Variants in RARS1 observed in about 807,000 individuals in gnomAD.
RARS1 encodes arginine--tRNA ligase, cytoplasmic.
In RARS1, 75 loss-of-function variants were observed where a neutral mutation model predicts 78.7. The ratio of observed to expected loss-of-function variants is 0.95; its 90% CI spans 0.79 to 1.15. RARS1 has a LOEUF of 1.15. RARS1 is among the 50% of genes most tolerant of loss of function. The pLI, the probability that RARS1 is intolerant of heterozygous loss-of-function variation, is 0.00. For synonymous variants in RARS1, 273 were observed against 268.2 expected, an observed-to-expected ratio of 1.02 and a Z score of -0.18; for missense variants, 787 against 787.5, an observed-to-expected ratio of 1.00 and a Z score of 0.01.
intron 6 of RARS1, among the ~76,000 whole-genome samples, chr5:168,495,929 A>T (rs983376559): frequency 2.6e-5 from 4 of 152,172 alleles, no homozygotes; most frequent in Non-Finnish European, 4.4e-5. Context: ...TGGGAGGATC[A>T]CTAGAGGCCA....
At chr5:168,500,372 C>T (rs1162514971) in intron 7 of RARS1, among the ~76,000 whole-genome samples, 4 of 151,942 alleles carry the variant, frequency 2.6e-5, no homozygotes, top group Non-Finnish European at 5.9e-5. Context: ...GTAAAGAAAA[C>T]TGTGGTGAGA....
At chr5:168,506,244 G>T (rs771927709) in intron 10 of RARS1, 45 bp downstream of exon 10, 1 of 1,425,258 alleles carries the variant, frequency 7.0e-7, no homozygotes, top group South Asian at 1.4e-5. Context: ...CTGATTAGAG[G>T]TAAGACAGTA....
chr5:168,504,727 AG>A (rs1758401988), intron 9 of RARS1, among the ~76,000 whole-genome samples: 1 of 151,816 alleles, frequency 6.6e-6, no homozygotes, highest in Non-Finnish European at 1.5e-5. Flanking sequence ...CGGGAGGCTG[AG>A]GCAGGAGAAT....
At chr5:168,518,912 ATTGT>A (rs761821441) in intron 14 of RARS1, among the ~76,000 whole-genome samples, 165 bp from the exon 15 acceptor site, 15 of 152,356 alleles carry the variant, frequency 9.8e-5, no homozygotes, top group Admixed American at 3.3e-4. Context: ...TATTTTTTAA[ATTGT>A]TTGTCTTCAT....
At chr5:168,494,107 G>A in intron 4 of RARS1, 105 bp downstream of exon 4, 1 of 1,282,830 alleles carries the variant, frequency 7.8e-7, no homozygotes, top group Non-Finnish European at 1.1e-6. Flanking sequence ...TTTGTATACT[G>A]AACAAGATGG....
intron 13 of RARS1, 126 bp from the exon 14 acceptor site, chr5:168,517,689 G>A (rs183826325): frequency 2.7e-5 from 34 of 1,264,336 alleles, no homozygotes; most frequent in Middle Eastern, 2.6e-4. Flanking sequence ...ATAGTATATC[G>A]TATAATAAAA....
intron 9 of RARS1, among the ~76,000 whole-genome samples, chr5:168,505,376 T>A (rs969766250): frequency 6.6e-6 from 1 of 152,232 alleles, no homozygotes; most frequent in African/African-American, 2.4e-5. Context: ...ATGGATTTAA[T>A]TTTTCTTCCT....
intron 9 of RARS1, among the ~76,000 whole-genome samples, chr5:168,505,282 C>CT (rs889852774): frequency 1.8e-3 from 2 of 1,090 alleles, no homozygotes; most frequent in Non-Finnish European, 2.4e-3. Flanking sequence ...TAGTAGCACT[C>CT]TTAATAGCTG....
At position 168,497,319 on chromosome 5, in the gene RARS1, C is replaced by T. The variant is rs144891956; in HGVS notation, c.793C>T (p.Pro265Ser). ...KFPDYLTVSP[P>S]IGDLQVFYKE... ...TCCAGATTATCTAACAGTTTCACCT[C>T]CTATTGGGGATCTTCAGGTCTTTTA... is the stretch of plus-strand genomic sequence containing the variant. Residue 265 changes from proline (P) to serine (S), a missense_variant, in exon 7 of 15, where the codon CCT becomes TCT. Pro to Ser is a moderately conservative substitution (Grantham distance 74, BLOSUM62 -1). Coordinates refer to ENST00000231572, the MANE Select transcript of RARS1 (RefSeq NM_002887.4). The T allele has an allele frequency of 1.1e-4, 171 of 1,586,798 alleles. 1 individual carries two copies. In the East Asian group the frequency reaches 3.2e-3, roughly 30 times the overall value.
At chr5:168,495,171 A>C in intron 5 of RARS1, 144 bp from the exon 6 acceptor site, 2 of 1,365,732 alleles carry the variant, frequency 1.5e-6, no homozygotes, top group Non-Finnish European at 1.9e-6. Flanking sequence ...TTACGGCCCA[A>C]ATTAATGTTT....
At chr5:168,516,747 G>A in intron 12 of RARS1, 31 bp from the exon 13 acceptor site, 1 of 1,609,132 alleles carries the variant, frequency 6.2e-7, no homozygotes, top group East Asian at 2.2e-5. Context: ...CAGTCAGTAA[G>A]CTATGAAATA....
intron 7 of RARS1, among the ~76,000 whole-genome samples, chr5:168,497,560 C>T (rs1758223793): frequency 6.6e-6 from 1 of 151,932 alleles, no homozygotes; most frequent in Non-Finnish European, 1.5e-5. Context: ...TTAATTACCT[C>T]ACAGTTCTGC....
intron 12 of RARS1, among the ~76,000 whole-genome samples, chr5:168,513,107 A>G (rs145297809): frequency 0.13 from 19,262 of 149,926 alleles, 1,643 homozygotes; most frequent in Non-Finnish European, 0.19. Context: ...GTGCAGTGGC[A>G]CGATCTCGGC....
In RARS1 at chr5:168,492,707, A is replaced by G. The variant is rs887796023; in HGVS notation, c.229A>G (p.Ile77Val). 1.2e-6 allele frequency: 2 copies of G among 1,612,004 alleles called. No homozygotes were observed. Among genetic ancestry groups the G allele is most frequent in the African/African-American group, 1.3e-5 (1 of 74,906 alleles). The change falls in exon 3 of 15, where the codon ATT becomes GTT. Residue 77 changes from isoleucine to valine, a missense_variant. By Grantham distance (29) the Ile-to-Val change is conservative (BLOSUM62 3). Coordinates refer to ENST00000231572, the MANE Select transcript of RARS1 (RefSeq NM_002887.4). ...NKPTKNMINIISRLQEVFGHA... is the reference protein window; with the variant it reads ...NKPTKNMINIVSRLQEVFGHA... Reference sequence around the variant, plus strand: ...ACCAACTAAAAATATGATTAACATTATTAGCCGCCTACAAGAGGTCTTTGG... The same window carrying G: ...ACCAACTAAAAATATGATTAACATTGTTAGCCGCCTACAAGAGGTCTTTGG...
chr5:168,492,253 G>A (rs1370352758), intron 2 of RARS1, among the ~76,000 whole-genome samples: 3 of 152,106 alleles, frequency 2.0e-5, no homozygotes, highest in Non-Finnish European at 4.4e-5. Flanking sequence ...CCTTGAAGAG[G>A]TCAACATTTT....
chr5:168,499,822 T>C (rs1758278459), intron 7 of RARS1, among the ~76,000 whole-genome samples: 1 of 152,226 alleles, frequency 6.6e-6, no homozygotes, highest in Non-Finnish European at 1.5e-5. Context: ...AGATTAATTA[T>C]TTTTAAGTAA....
intron 11 of RARS1, among the ~76,000 whole-genome samples, chr5:168,507,773 C>G (rs774326509): frequency 2.0e-4 from 31 of 151,876 alleles, no homozygotes; most frequent in Non-Finnish European, 3.2e-4. Flanking sequence ...CAAAGTGGCT[C>G]TCACGCCTGT....
chr5:168,489,488 T>G (rs1045944312), intron 2 of RARS1, among the ~76,000 whole-genome samples: 1 of 152,250 alleles, frequency 6.6e-6, no homozygotes, highest in African/African-American at 2.4e-5. Flanking sequence ...CATAATCATT[T>G]GGGGTTTTTT....
At chr5:168,507,955 G>T (rs1055839038) in intron 11 of RARS1, among the ~76,000 whole-genome samples, 1 of 151,876 alleles carries the variant, frequency 6.6e-6, no homozygotes, top group Admixed American at 6.6e-5. Context: ...GAGCATCGAC[G>T]TGGAAGTTAC....
Sources: gnomAD v4.1 joint callset for allele counts (sites outside exome capture counted in the v4.1 genomes callset) on GRCh38, gnomAD v4.1.1 for gene constraint, MANE v1.5 for transcripts, NCBI Gene and HGNC (gene_info 2026-07-23, HGNC 2026-07-21) for gene names.